NUP188: variants seen among roughly 807,000 people sequenced by gnomAD.
The protein encoded by NUP188 is nucleoporin NUP188.
Under a neutral mutation model 223.0 loss-of-function variants are expected in NUP188, and 97 were observed. That is an observed-to-expected ratio of 0.43 (90% CI 0.37 to 0.51). The LOEUF (loss-of-function observed/expected upper bound fraction) is 0.51, where lower values mean the gene tolerates loss of function less well. Ranked by LOEUF, NUP188 falls within the 20% of genes least tolerant of loss-of-function variation. The probability of loss-of-function intolerance (pLI) is 0.00; values close to 1 mark genes in which losing one functional copy is unlikely to be tolerated. For synonymous variants in NUP188, 869 were observed against 828.0 expected, an observed-to-expected ratio of 1.05 and a Z score of -0.85; for missense variants, 1,947 against 2,175.6, an observed-to-expected ratio of 0.89 and a Z score of 2.09.
chr9:128,969,383 A>G lies in NUP188; in HGVS notation c.798-17A>G. 6.9e-7 allele frequency: 1 copy of G among 1,453,664 alleles called. No homozygotes were observed. Among genetic ancestry groups the G allele is most frequent in the East Asian group, 2.3e-5 (1 of 43,916 alleles). 90.0% of individuals were successfully genotyped at this position (1,453,664 alleles called of 1,614,324 possible). On this transcript the variant is annotated splice_polypyrimidine_tract_variant and intron_variant, in intron 9 of 43. Coordinates refer to ENST00000372577, the MANE Select transcript of NUP188 (RefSeq NM_015354.3). ...AGAACGGGATATATAACATGGTGATACTATTTTTCTTTCTAGCTACTTCAG... is the reference window on the plus strand; with the variant it reads ...AGAACGGGATATATAACATGGTGATGCTATTTTTCTTTCTAGCTACTTCAG...
intron 13 of NUP188, 70 bp downstream of exon 13, chr9:128,979,397 G>A: frequency 4.4e-6 from 5 of 1,123,692 alleles, no homozygotes; most frequent in African/African-American, 1.5e-5. Flanking sequence ...TACAGGTTTT[G>A]TACTAAGCAT....
At chr9:128,998,413 C>T (rs1842569069) in intron 31 of NUP188, 125 bp from the exon 32 acceptor site, 1 of 1,030,522 alleles carries the variant, frequency 9.7e-7, no homozygotes, top group East Asian at 2.4e-5. Flanking sequence ...ACCCTGGCTT[C>T]TCCCCCTCCA....
Position 129,002,886 on chromosome 9 carries a change from C to T in NUP188, c.4207C>T (p.Leu1403=), listed in dbSNP as rs150321128. The T allele has an allele frequency of 2.0e-5, 32 of 1,614,110 alleles. No homozygotes were observed. In the African/African-American group the frequency reaches 4.1e-4, roughly 21 times the overall value. ...WPGVYRLSMS[L]MEQLLKTLRY... ...AGGAGTCTACCGCCTGTCCATGTCC[C>T]TGATGGAGCAGCTGCTCAAAACTCT... The change falls in exon 37 of 44, where the codon CTG becomes TTG. Residue 1403 remains leucine (L), a synonymous_variant. Coordinates refer to ENST00000372577, the MANE Select transcript of NUP188 (RefSeq NM_015354.3).
Position 128,998,576 on chromosome 9 carries a change from C to T in NUP188, c.3468C>T (p.Gly1156=). 1.2e-6 allele frequency: 2 copies of T among 1,614,202 alleles called. No homozygotes were observed. Among genetic ancestry groups the T allele is most frequent in the Non-Finnish European group, 1.7e-6 (2 of 1,180,032 alleles). ...VPASVNCLRL[G]SMKCTLLLIL... is the part of the protein sequence containing the mutation. ...CCTCAGTGAACTGCCTTCGCCTTGGCTCCATGAAGTGCACTCTGCTGCTTA... is the reference window on the plus strand; with the variant it reads ...CCTCAGTGAACTGCCTTCGCCTTGGTTCCATGAAGTGCACTCTGCTGCTTA... The change falls in exon 32 of 44, where the codon GGC becomes GGT. Residue 1156 remains glycine (G), a synonymous_variant. Transcript: ENST00000372577.
At chr9:128,993,143 T>G in intron 25 of NUP188, 54 bp from the exon 26 acceptor site, 4 of 1,453,742 alleles carry the variant, frequency 2.8e-6, no homozygotes, top group Non-Finnish European at 2.9e-6. Flanking sequence ...TGGGAGCCCA[T>G]TGAGGTTTTT....
Position 128,984,910 on chromosome 9 carries a change from A to G in NUP188, c.1972A>G (p.Met658Val). ...SLSQMISAEG[M>V]NAGGYGNLLM... is the part of the protein sequence containing the mutation. ...TACTTCTTTTTCCAGTGCGGAAGGG[A>G]TGAATGCTGGAGGGTACGGAAACCT... The change falls in exon 20 of 44, where the codon ATG becomes GTG. Residue 658 changes from methionine (M) to valine (V), a missense_variant. By Grantham distance (21) the Met-to-Val change is conservative. Coordinates refer to ENST00000372577, the MANE Select transcript of NUP188 (RefSeq NM_015354.3). The G allele has an allele frequency of 6.2e-7, 1 of 1,609,268 alleles. No individual in the cohort carries two copies. The highest frequency in any genetic ancestry group is 8.5e-7 in the Non-Finnish European group (1 of 1,177,762).
rs142696206 is a variant in NUP188, at chr9:128,987,721, G to A, written c.2393+4G>A. The A allele has an allele frequency of 1.2e-6, 2 of 1,611,956 alleles. No homozygotes were observed. The highest frequency in any genetic ancestry group is 1.7e-6 in the Non-Finnish European group (2 of 1,179,312). Reference sequence around the variant, plus strand: ...TGATGGCTGCTCAGCCTCGAAGGTAGGGCTCCTTCTCCACGTTCCCTTTGT... The same window carrying A: ...TGATGGCTGCTCAGCCTCGAAGGTAAGGCTCCTTCTCCACGTTCCCTTTGT... On this transcript the variant is annotated splice_donor_region_variant and intron_variant, in intron 23 of 43. Coordinates refer to ENST00000372577, the MANE Select transcript of NUP188 (RefSeq NM_015354.3).
rs766141207 is a variant in NUP188 at position 128,958,062 on chromosome 9, G to T, written c.372+8G>T. On this transcript the variant is annotated splice_region_variant and intron_variant, in intron 6 of 43. Coordinates refer to ENST00000372577, the MANE Select transcript of NUP188 (RefSeq NM_015354.3). ...CAGGCCTTAATCCTGAAGGTCAGTA[G>T]TAGTCACCATTTCTATTCTTTGATG... is the stretch of plus-strand genomic sequence containing the variant. 31 of 1,607,850 alleles carry T rather than the reference G, an allele frequency of 1.9e-5. No individual in the cohort carries two copies. The highest frequency in any genetic ancestry group is 2.6e-5 in the Non-Finnish European group (30 of 1,174,828).
chr9:128,986,419 T>G, intron 20 of NUP188, 139 bp from the exon 21 acceptor site: 20 of 817,704 alleles, frequency 2.4e-5, no homozygotes, highest in Non-Finnish European at 3.0e-5. Context: ...GGACTTTTGA[T>G]GTTTCTTTTT....
At chr9:128,993,776 G>A in intron 27 of NUP188, 82 bp downstream of exon 27, 1 of 1,312,642 alleles carries the variant, frequency 7.6e-7, no homozygotes, top group Non-Finnish European at 1.1e-6. Flanking sequence ...GAGGTTTGTT[G>A]TGACAGTTCA....
At chr9:128,956,864 TG>T (rs1292204565) in intron 4 of NUP188, 87 bp from the exon 5 acceptor site, 5 of 855,242 alleles carry the variant, frequency 5.8e-6, no homozygotes, top group Non-Finnish European at 9.3e-6. Flanking sequence ...TCAAGTCCTG[TG>T]TTCATTGTAG....
intron 43 of NUP188, 58 bp downstream of exon 43, chr9:129,006,426 C>T: frequency 6.2e-7 from 1 of 1,612,494 alleles, no homozygotes; most frequent in South Asian, 1.1e-5. Flanking sequence ...CCTGTGGGGT[C>T]CTGCCTGGCA....
At chr9:128,980,028 A>G (rs1474627949) in intron 13 of NUP188, among the ~76,000 whole-genome samples, 1 of 152,194 alleles carries the variant, frequency 6.6e-6, no homozygotes, top group Non-Finnish European at 1.5e-5. Context: ...TTGTAACCGT[A>G]GCCTATGAGT....
chr9:128,974,018 C>T (rs1345857212), intron 12 of NUP188, among the ~76,000 whole-genome samples: 1 of 152,120 alleles, frequency 6.6e-6, no homozygotes, highest in Non-Finnish European at 1.5e-5. Context: ...TCAAGCGATT[C>T]TTCTGCCTCA....
intron 30 of NUP188, among the ~76,000 whole-genome samples, chr9:128,997,474 G>A (rs1842548632): frequency 6.6e-6 from 1 of 152,162 alleles, no homozygotes; most frequent in South Asian, 2.1e-4. Flanking sequence ...AAGAACAGCA[G>A]GGCCTTCAAG....
chr9:128,954,856 CTT>C (rs777885777), intron 3 of NUP188, among the ~76,000 whole-genome samples: 18 of 137,206 alleles, frequency 1.3e-4, no homozygotes, highest in Middle Eastern at 3.8e-3. Flanking sequence ...AGGTGCTCTT[CTT>C]TTTTTTTTTT....
chr9:128,994,889 A>G lies in NUP188; in HGVS notation c.3121A>G (p.Lys1041Glu). ...SILETCALIM[K>E]IICLEIYYVV... ...CCTGGAAACCTGTGCCCTAATCATG[A>G]AGATAATTTGCTTGGAGATATACTA... is the stretch of plus-strand genomic sequence containing the variant. The change falls in exon 29 of 44, where the codon AAG (lysine) becomes GAG (glutamate). Residue 1041 changes from lysine (K) to glutamate (E), a missense_variant. This residue lies in a region of NUP188 where 905 missense variants were observed against 990.6 expected (regional missense o/e 0.91). Coordinates refer to ENST00000372577, the MANE Select transcript of NUP188 (RefSeq NM_015354.3). 4 of 1,613,838 alleles carry G rather than the reference A, an allele frequency of 2.5e-6. No individual in the cohort carries two copies. Among genetic ancestry groups the G allele is most frequent in the Non-Finnish European group, 3.4e-6 (4 of 1,179,748 alleles).
chr9:128,984,059 T>C (rs1239176579), intron 19 of NUP188, among the ~76,000 whole-genome samples: 3 of 151,564 alleles, frequency 2.0e-5, no homozygotes, highest in Non-Finnish European at 4.4e-5. Flanking sequence ...TGGTCTCAAG[T>C]GATCTGCCCG....
intron 10 of NUP188, 72 bp from the exon 11 acceptor site, chr9:128,970,686 G>C (rs1289740510): frequency 7.6e-7 from 1 of 1,310,920 alleles, no homozygotes; most frequent in African/African-American, 1.4e-5. Flanking sequence ...TATTGAGCGT[G>C]ATGAAGAATC....
Sources: allele counts gnomAD v4.1 joint callset (sites outside exome capture counted in the v4.1 genomes callset), GRCh38; gene constraint gnomAD v4.1.1; regional missense constraint gnomAD v4.1.1; transcripts MANE v1.5; gene names NCBI Gene and HGNC (gene_info 2026-07-23, HGNC 2026-07-21).